Variants in KIF6 observed in about 807,000 individuals in gnomAD.
The protein encoded by KIF6 is kinesin-like protein KIF6.
KIF6 carries 106 observed loss-of-function variants against 112.7 expected under a neutral mutation model. The ratio of observed to expected loss-of-function variants is 0.94; its 90% confidence interval spans 0.80 to 1.11. The LOEUF (loss-of-function observed/expected upper bound fraction) is 1.11. Ranked by LOEUF, KIF6 falls within the 50% of genes least tolerant of loss-of-function variation. KIF6 has a pLI of 0.00. For synonymous variants in KIF6, 339 were observed against 339.9 expected (o/e 1.00, Z 0.03); for missense variants, 929 against 964.0 (o/e 0.96, Z 0.48).
intron 22 of KIF6, among the ~76,000 whole-genome samples, chr6:39,339,255 G>A (rs1413353013): frequency 6.6e-6 from 1 of 152,182 alleles, no homozygotes; most frequent in African/African-American, 2.4e-5. Flanking sequence ...TGGTGCTTGG[G>A]AGTTGATAAG....
chr6:39,382,755 G>A (rs1767062723), intron 16 of KIF6, among the ~76,000 whole-genome samples: 1 of 152,100 alleles, frequency 6.6e-6, no homozygotes, highest in African/African-American at 2.4e-5. Flanking sequence ...CTGCTTTCCA[G>A]AGGAGGTGAA....
chr6:39,377,663 T>C (rs141039395), intron 16 of KIF6, among the ~76,000 whole-genome samples: 1 of 152,170 alleles, frequency 6.6e-6, no homozygotes, highest in East Asian at 1.9e-4. Context: ...GGAATGCTGG[T>C]TGGGGGAAAA....
intron 14 of KIF6, among the ~76,000 whole-genome samples, chr6:39,427,961 T>A (rs1344743288): frequency 1.3e-5 from 2 of 152,202 alleles, no homozygotes; most frequent in African/African-American, 4.8e-5. Flanking sequence ...ATAAGAAAGA[T>A]GAAGTACTAT....
At chr6:39,557,469 A>C (rs1411793101) in intron 10 of KIF6, among the ~76,000 whole-genome samples, 2 of 152,220 alleles carry the variant, frequency 1.3e-5, no homozygotes, top group African/African-American at 4.8e-5. Flanking sequence ...TACAAAAAGG[A>C]AAAGTGCAAA....
At chr6:39,558,294 TC>T (rs1346634503) in intron 10 of KIF6, among the ~76,000 whole-genome samples, 1 of 151,996 alleles carries the variant, frequency 6.6e-6, no homozygotes, top group East Asian at 1.9e-4. Flanking sequence ...GGTGACTATT[TC>T]TGCATTTGTT....
At chr6:39,580,731 T>C (rs572165449) in intron 9 of KIF6, among the ~76,000 whole-genome samples, 1 of 152,158 alleles carries the variant, frequency 6.6e-6, no homozygotes, top group South Asian at 2.1e-4. Context: ...TAAAATAGTA[T>C]AAAAGAATAC....
In KIF6 at chr6:39,431,072, T is replaced by C; in HGVS notation, c.1735A>G (p.Lys579Glu). Residue 579 changes from lysine (K) to glutamate (E), a missense_variant, in exon 14 of 23, where the codon AAA becomes GAA. Coordinates refer to ENST00000287152, the MANE Select transcript of KIF6 (RefSeq NM_145027.6). ...CCTTACCTCTGTTTCAGAATCTGTT[T>C]GTTGTCATCGATGGTAACGCTGTCA... ...HADSVTIDDN[K>E]QILKQRFSEA... 1 of 1,612,406 alleles carries C rather than the reference T, an allele frequency of 6.2e-7. No homozygotes were observed.
chr6:39,577,990 G>A, intron 10 of KIF6, 66 bp downstream of exon 10: 1 of 1,079,200 alleles, frequency 9.3e-7, no homozygotes, highest in East Asian at 2.4e-5. Context: ...TAACATTAGG[G>A]CCAACAAAGA....
At chr6:39,446,487 C>A (rs1480637849) in intron 13 of KIF6, among the ~76,000 whole-genome samples, 1 of 151,894 alleles carries the variant, frequency 6.6e-6, no homozygotes, top group African/African-American at 2.4e-5. Context: ...AAATTGTTTT[C>A]TTTTCTTTCC....
chr6:39,713,371 A>C (rs1326557745), intron 3 of KIF6, among the ~76,000 whole-genome samples: 1 of 152,228 alleles, frequency 6.6e-6, no homozygotes, highest in Admixed American at 6.5e-5. Flanking sequence ...AAACAATTTC[A>C]GTGAGGCAGT....
chr6:39,436,057 T>C (rs899971645), intron 13 of KIF6, among the ~76,000 whole-genome samples: 2 of 152,224 alleles, frequency 1.3e-5, no homozygotes, highest in African/African-American at 4.8e-5. Flanking sequence ...ATGGCCTTTC[T>C]GGCTGGGGTA....
In KIF6 at chr6:39,342,915, C is replaced by T. The variant is rs79374559; in HGVS notation, c.2428+794G>A. 207 of 985,404 alleles carry T rather than the reference C, an allele frequency of 2.1e-4. No individual in the cohort carries two copies. The African/African-American group carries it at 3.2e-3, about 15-fold the overall frequency. The allele number at this position is 985,404 out of a possible 1,614,324, so 61.0% of individuals were successfully genotyped here. ...AGGGCAGGCATCAGTCATTATACAT[C>T]GAATCTGCCAGCCCATACCATCACG... is the stretch of plus-strand genomic sequence containing the variant. On this transcript the variant is annotated intron_variant, in intron 22 of 22. Transcript: ENST00000287152. This position sits in a 1 kb window ranked among gnomAD's most constrained non-coding sequence, Gnocchi z 4.7.
At chr6:39,358,714 C>G (rs1204704390) in intron 18 of KIF6, among the ~76,000 whole-genome samples, 1 of 152,190 alleles carries the variant, frequency 6.6e-6, no homozygotes, top group Non-Finnish European at 1.5e-5. Flanking sequence ...GGATGGGAGC[C>G]AATCACAGCT....
At chr6:39,618,549 A>G (rs1425766885) in intron 5 of KIF6, among the ~76,000 whole-genome samples, 1 of 152,226 alleles carries the variant, frequency 6.6e-6, no homozygotes, top group Admixed American at 6.5e-5. Context: ...TAAGACTCAC[A>G]GAACAAACTT....
intron 3 of KIF6, among the ~76,000 whole-genome samples, chr6:39,703,149 A>G (rs1244325947): frequency 6.8e-6 from 1 of 147,318 alleles, no homozygotes; most frequent in African/African-American, 2.5e-5. Context: ...GGCCACAAGG[A>G]AAGAGTTAAC....
At chr6:39,411,238 C>T (rs1255641497) in intron 15 of KIF6, among the ~76,000 whole-genome samples, 2 of 152,224 alleles carry the variant, frequency 1.3e-5, no homozygotes, top group African/African-American at 4.8e-5. Context: ...GCAAGAGGCG[C>T]TGAGGGAGGC....
intron 5 of KIF6, among the ~76,000 whole-genome samples, chr6:39,616,354 C>G (rs746319967): frequency 6.6e-6 from 1 of 152,154 alleles, no homozygotes; most frequent in Non-Finnish European, 1.5e-5. Flanking sequence ...ATAGAACTCT[C>G]GGCTATCTTT....
intron 4 of KIF6, among the ~76,000 whole-genome samples, chr6:39,639,340 G>C (rs1468230271): frequency 2.6e-5 from 4 of 152,186 alleles, no homozygotes; most frequent in Non-Finnish European, 5.9e-5. Context: ...AAAAGGTGTT[G>C]TCTGCTCTTT....
rs1562126493 is a variant in KIF6, at chr6:39,357,268, T to G, written c.2180+9A>C. 1.3e-6 allele frequency: 2 copies of G among 1,595,696 alleles called. No homozygotes were observed. The highest frequency in any genetic ancestry group is 1.7e-6 in the Non-Finnish European group (2 of 1,164,458). On this transcript the variant is annotated intron_variant, in intron 19 of 22. Transcript: ENST00000287152. ...GAACTCTAACACCTCCGGTGAGTTC[T>G]CACCTTACCTTTTGTTAGAGAGGAG...
Sources: allele counts gnomAD v4.1 joint callset (sites outside exome capture counted in the v4.1 genomes callset), GRCh38; gene constraint gnomAD v4.1.1; non-coding constraint Gnocchi (gnomAD v3.1); transcripts MANE v1.5; gene names NCBI Gene and HGNC (gene_info 2026-07-23, HGNC 2026-07-21).